Variants in DENND2C observed in about 807,000 individuals in gnomAD.
The protein encoded by DENND2C is DENN domain containing 2C.
Under a neutral mutation model 112.4 loss-of-function variants are expected in DENND2C, and 72 were observed. That is an observed-to-expected ratio of 0.64 (90% CI 0.53 to 0.78). The LOEUF (loss-of-function observed/expected upper bound fraction) is 0.78. DENND2C is among the 30% of genes least tolerant of loss of function. The pLI is 0.00. For synonymous variants in DENND2C, 329 were observed against 381.6 expected, an observed-to-expected ratio of 0.86 and a Z score of 1.61; for missense variants, 992 against 1,113.8, an observed-to-expected ratio of 0.89 and a Z score of 1.56.
chr1:114,600,836 G>A lies in DENND2C; in HGVS notation c.1940C>T (p.Pro647Leu), dbSNP rs780662797. 1.7e-5 allele frequency: 27 copies of A among 1,612,982 alleles called. 1 individual carries two copies. The East Asian group carries it at 6.0e-4, about 36-fold the overall frequency. Residue 647 changes from proline (P) to leucine (L), a missense_variant, in exon 14 of 21, where the codon CCT becomes CTT. By Grantham distance (98) the Pro-to-Leu change is moderately conservative (BLOSUM62 -3). Coordinates refer to ENST00000393274, the MANE Select transcript of DENND2C (RefSeq NM_001256404.2). ...GRTITVKSYL[P>L]GAGDESIELC... ...CTAACTTACCTCATCTCCAGCCCCAGGGAGGTAACTCTTAACTGTGATGGT... is the reference window on the plus strand; with the variant it reads ...CTAACTTACCTCATCTCCAGCCCCAAGGAGGTAACTCTTAACTGTGATGGT...
At chr1:114,614,193 T>C (rs955725095) in intron 8 of DENND2C, among the ~76,000 whole-genome samples, 10 of 150,194 alleles carry the variant, frequency 6.7e-5, no homozygotes, top group Admixed American at 6.0e-4. Flanking sequence ...GTTTGCATCA[T>C]TGCACCCCAG....
At chr1:114,620,744 G>C (rs1213949313) in intron 7 of DENND2C, among the ~76,000 whole-genome samples, 1 of 151,828 alleles carries the variant, frequency 6.6e-6, no homozygotes, top group Non-Finnish European at 1.5e-5. Context: ...TTTTCACTAA[G>C]AGAGATCAGT....
intron 16 of DENND2C, among the ~76,000 whole-genome samples, chr1:114,596,879 C>T (rs1377123869): frequency 6.6e-6 from 1 of 151,970 alleles, no homozygotes; most frequent in Admixed American, 6.6e-5. Context: ...ACCCCTACTT[C>T]ACATTATACA....
At chr1:114,603,715 AT>A (rs1270322586) in intron 11 of DENND2C, among the ~76,000 whole-genome samples, 1 of 151,516 alleles carries the variant, frequency 6.6e-6, no homozygotes, top group East Asian at 1.9e-4. Flanking sequence ...TTCTTTTGGT[AT>A]TTTTTGTAGA....
In DENND2C at chr1:114,585,110, G is replaced by A. The variant is rs922711194; in HGVS notation, c.*490C>T. The A allele has an allele frequency of 1.9e-5, 3 of 155,882 alleles. No individual in the cohort carries two copies. Among genetic ancestry groups the A allele is most frequent in the African/African-American group, 7.2e-5 (3 of 41,476 alleles). The allele number at this position is 155,882 out of a possible 1,614,324, so 9.7% of individuals were successfully genotyped here. A position where few individuals can be genotyped will look rare whatever the true frequency, so the allele number is the denominator to read the frequency against. On this transcript the variant is annotated 3_prime_UTR_variant, in exon 21 of 21. Coordinates refer to ENST00000393274, the MANE Select transcript of DENND2C (RefSeq NM_001256404.2). ...AGATATGTGATGAGTCTATTCCTTA[G>A]CCCAGGTCAAACAGCCCATGGGTTT...
chr1:114,613,410 C>T (rs1443892150), intron 8 of DENND2C, among the ~76,000 whole-genome samples: 1 of 152,092 alleles, frequency 6.6e-6, no homozygotes, highest in Non-Finnish European at 1.5e-5. Context: ...AAAATAAATG[C>T]TGCCTATTCT....
At position 114,599,463 on chromosome 1, in the gene DENND2C, A is replaced by G; in HGVS notation, c.2106-12T>C. ...ATTTTGACAGGGTGCTAGCCAGAGG[A>G]GAAAACAAATGGTGTCATATATAGA... On this transcript the variant is annotated splice_polypyrimidine_tract_variant and intron_variant, in intron 15 of 20. Transcript: ENST00000393274. 3.7e-6 allele frequency: 6 copies of G among 1,608,018 alleles called. No individual in the cohort carries two copies. The highest frequency in any genetic ancestry group is 5.1e-6 in the Non-Finnish European group (6 of 1,176,306).
intron 18 of DENND2C, 116 bp downstream of exon 18, chr1:114,594,357 A>G: frequency 3.7e-6 from 3 of 815,080 alleles, no homozygotes; most frequent in Non-Finnish European, 5.9e-6. Context: ...TAGGATTTTC[A>G]GCGCACAGGC....
chr1:114,615,238 G>A (rs1293896295), intron 8 of DENND2C, among the ~76,000 whole-genome samples: 1 of 152,068 alleles, frequency 6.6e-6, no homozygotes, highest in Non-Finnish European at 1.5e-5. Flanking sequence ...CACAATACCT[G>A]GCACGAGTTT....
At chr1:114,629,363 C>T (rs1656428320) in intron 3 of DENND2C, among the ~76,000 whole-genome samples, 1 of 152,164 alleles carries the variant, frequency 6.6e-6, no homozygotes, top group Non-Finnish European at 1.5e-5. Context: ...CTGCAACCTC[C>T]GCCTCCCAGG....
chr1:114,594,683 A>G (rs1655291767), intron 17 of DENND2C, 105 bp from the exon 18 acceptor site: 1 of 919,678 alleles, frequency 1.1e-6, no homozygotes, highest in African/African-American at 1.7e-5. Context: ...GTGACTGTAT[A>G]TATTTTGGCT....
At position 114,621,935 on chromosome 1, in the gene DENND2C, G is replaced by A; in HGVS notation, c.1187C>T (p.Ala396Val). Reference sequence around the variant, plus strand: ...CCTTTTCGTGTTTGCAACTTCACCAGCTCGGAAAAGCTTCCATTCCGTTAA... The same window carrying A: ...CCTTTTCGTGTTTGCAACTTCACCAACTCGGAAAAGCTTCCATTCCGTTAA... ...VTLTEWKLFR[A>V]GEVANTKRKN... Residue 396 changes from alanine (A) to valine (V), a missense_variant, in exon 7 of 21, where the codon GCT becomes GTT. Around this residue, in one of 3 missense-constraint regions of DENND2C, gnomAD observed 470 missense variants for 472.7 expected, o/e 0.99. Transcript: ENST00000393274. 6.4e-7 allele frequency: 1 copy of A among 1,550,618 alleles called. No homozygotes were observed. Among genetic ancestry groups the A allele is most frequent in the Non-Finnish European group, 8.7e-7 (1 of 1,146,996 alleles).
At chr1:114,629,266 A>G (rs1656425759) in intron 3 of DENND2C, among the ~76,000 whole-genome samples, 2 of 152,278 alleles carry the variant, frequency 1.3e-5, no homozygotes, top group Admixed American at 1.3e-4. Context: ...TATAAACATA[A>G]AAACTCAAGC....
chr1:114,619,086 G>A (rs1458424982), intron 7 of DENND2C, among the ~76,000 whole-genome samples: 2 of 151,962 alleles, frequency 1.3e-5, no homozygotes, highest in Non-Finnish European at 2.9e-5. Flanking sequence ...GTAAAATCCA[G>A]ACTATTTATT....
intron 18 of DENND2C, 116 bp from the exon 19 acceptor site, chr1:114,588,068 A>G: frequency 8.1e-6 from 7 of 861,244 alleles, no homozygotes; most frequent in Middle Eastern, 6.9e-4. Flanking sequence ...AAGGACTGAG[A>G]ATAAATCTAG....
At chr1:114,595,507 T>A in intron 17 of DENND2C, 5 of 177,120 alleles carry the variant, frequency 2.8e-5, no homozygotes, top group East Asian at 1.5e-4. Flanking sequence ...AAAGAAATAA[T>A]CAGTGCTTAA....
intron 8 of DENND2C, among the ~76,000 whole-genome samples, chr1:114,616,880 G>A (rs571728766): frequency 1.3e-5 from 2 of 152,094 alleles, no homozygotes; most frequent in Admixed American, 6.6e-5. Context: ...ACGTGAGACT[G>A]GGAAGCAAAA....
chr1:114,629,937 T>C (rs1054072973), intron 3 of DENND2C, among the ~76,000 whole-genome samples: 1 of 152,194 alleles, frequency 6.6e-6, no homozygotes, highest in African/African-American at 2.4e-5. Flanking sequence ...GAAAAATAAC[T>C]TGGAAGAATT....
In DENND2C at chr1:114,602,521, C is replaced by T. The variant is rs530882215; in HGVS notation, c.1668-327G>A. On this transcript the variant is annotated intron_variant, in intron 11 of 20. Coordinates refer to ENST00000393274, the MANE Select transcript of DENND2C (RefSeq NM_001256404.2). ...TGTTGATGTTGGTTCCTTTTGTTTTCTTATTCATCCACTCTAGGTATTAAT... is the reference window on the plus strand; with the variant it reads ...TGTTGATGTTGGTTCCTTTTGTTTTTTTATTCATCCACTCTAGGTATTAAT... Among the ~76,000 whole-genome samples the T allele has an allele frequency of 3.9e-5, 6 of 152,256 alleles. No homozygotes were observed. In the South Asian group the frequency reaches 1.2e-3, roughly 32 times the overall value.
Sources: allele counts gnomAD v4.1 joint callset (sites outside exome capture counted in the v4.1 genomes callset), GRCh38; gene constraint gnomAD v4.1.1; regional missense constraint gnomAD v4.1.1; transcripts MANE v1.5; gene names NCBI Gene and HGNC (gene_info 2026-07-23, HGNC 2026-07-21).